The following KIF26B variants were observed in gnomAD, a reference collection of about 807,000 sequenced individuals.
KIF26B encodes kinesin family member 26B.
A neutral mutation model predicts 151.2 loss-of-function variants in KIF26B; 63 were observed. The ratio of observed to expected loss-of-function variants is 0.42; its 90% CI spans 0.34 to 0.51. The LOEUF (loss-of-function observed/expected upper bound fraction) is 0.51. KIF26B is among the 20% of genes least tolerant of loss of function. The probability of loss-of-function intolerance (pLI) is 0.07; values close to 1 mark genes in which losing one functional copy is unlikely to be tolerated. For missense variants in KIF26B, 2,813 were observed against 2,913.6 expected (o/e 0.97, Z 0.79); for synonymous variants, 1,357 against 1,262.1 (o/e 1.08, Z -1.59).
intron 5 of KIF26B, among the ~76,000 whole-genome samples, chr1:245,562,137 C>T (rs2042962048): frequency 6.6e-6 from 1 of 152,098 alleles, no homozygotes; most frequent in Admixed American, 6.6e-5. Flanking sequence ...ACTTAAAGCA[C>T]TTCTCAGCTG....
chr1:245,546,068 A>G (rs1661733475), intron 5 of KIF26B, among the ~76,000 whole-genome samples: 1 of 152,240 alleles, frequency 6.6e-6, no homozygotes, highest in Non-Finnish European at 1.5e-5. Flanking sequence ...GAAGTCATTC[A>G]GTTACTAACT....
chr1:245,319,867 G>T (rs1217912024), intron 2 of KIF26B, among the ~76,000 whole-genome samples: 1 of 152,202 alleles, frequency 6.6e-6, no homozygotes, highest in Non-Finnish European at 1.5e-5. Context: ...CGATTTCTGA[G>T]TCCATGCTAT....
chr1:245,482,135 A>G (rs954520848), intron 4 of KIF26B, among the ~76,000 whole-genome samples: 1 of 151,836 alleles, frequency 6.6e-6, no homozygotes, highest in Non-Finnish European at 1.5e-5. Context: ...TCTGTCACCC[A>G]GGCTGGAGTG....
intron 4 of KIF26B, among the ~76,000 whole-genome samples, chr1:245,521,521 C>T (rs1035679331): frequency 2.6e-5 from 4 of 152,134 alleles, no homozygotes; most frequent in Admixed American, 6.5e-5. Flanking sequence ...TCTGAGCTAG[C>T]GCAATCCTTG....
chr1:245,430,302 T>A (rs1032505734), intron 4 of KIF26B, among the ~76,000 whole-genome samples: 1 of 151,894 alleles, frequency 6.6e-6, no homozygotes, highest in Non-Finnish European at 1.5e-5. Context: ...TCTACACTTC[T>A]ACCACCACCC....
intron 4 of KIF26B, among the ~76,000 whole-genome samples, chr1:245,481,237 G>T (rs1373013044): frequency 6.6e-6 from 1 of 151,682 alleles, no homozygotes; most frequent in Non-Finnish European, 1.5e-5. Flanking sequence ...ACAAGAACTG[G>T]CAAAGGGCCT....
At chr1:245,579,035 G>A (rs34804760) in intron 5 of KIF26B, among the ~76,000 whole-genome samples, 59,504 of 151,924 alleles carry the variant, frequency 0.39, 12,048 homozygotes, top group African/African-American at 0.48. Context: ...TTGCTTTAGG[G>A]AAAAAAAGTC....
intron 2 of KIF26B, among the ~76,000 whole-genome samples, chr1:245,304,309 G>C (rs955984574): frequency 5.3e-5 from 8 of 152,296 alleles, no homozygotes; most frequent in African/African-American, 1.7e-4. Context: ...TCTCCTCTCT[G>C]ATCAATCCAA....
At chr1:245,160,119 G>A (rs950792573) in intron 2 of KIF26B, among the ~76,000 whole-genome samples, 4 of 152,202 alleles carry the variant, frequency 2.6e-5, no homozygotes, top group African/African-American at 4.8e-5. Flanking sequence ...ACATAGCTCT[G>A]CTGTTGATAC....
chr1:245,484,874 C>T (rs1660248132), intron 4 of KIF26B, among the ~76,000 whole-genome samples: 1 of 151,174 alleles, frequency 6.6e-6, no homozygotes, highest in African/African-American at 2.4e-5. Context: ...CTGAGAGTTG[C>T]TTTTTTTTGA....
chr1:245,396,356 A>G (rs59250581), intron 3 of KIF26B, among the ~76,000 whole-genome samples: 1 of 151,922 alleles, frequency 6.6e-6, no homozygotes, highest in South Asian at 2.1e-4. Context: ...ACCAAATAAA[A>G]TATGTATGCA....
intron 10 of KIF26B, among the ~76,000 whole-genome samples, chr1:245,649,589 T>C (rs2043992256): frequency 6.6e-6 from 1 of 152,204 alleles, no homozygotes; most frequent in Non-Finnish European, 1.5e-5. Flanking sequence ...TTCCTGCCCT[T>C]GAGGTTTCCT....
chr1:245,570,361 A>G (rs1183852843), intron 5 of KIF26B, among the ~76,000 whole-genome samples: 3 of 152,190 alleles, frequency 2.0e-5, no homozygotes, highest in Admixed American at 6.5e-5. Flanking sequence ...CATTCGGTCC[A>G]TCACCAAATT....
chr1:245,260,778 A>C (rs890811515), intron 2 of KIF26B, among the ~76,000 whole-genome samples: 1 of 152,212 alleles, frequency 6.6e-6, no homozygotes, highest in African/African-American at 2.4e-5. Context: ...CTCAACCCAC[A>C]CAGACAGAAC....
At chr1:245,317,854 G>A (rs1016288725) in intron 2 of KIF26B, among the ~76,000 whole-genome samples, 6 of 152,178 alleles carry the variant, frequency 3.9e-5, no homozygotes, top group African/African-American at 9.7e-5. Context: ...GTTCAGATGC[G>A]CAGAGTTAAG....
chr1:245,485,377 C>T (rs968142099), intron 4 of KIF26B, among the ~76,000 whole-genome samples: 3 of 135,546 alleles, frequency 2.2e-5, no homozygotes, highest in Non-Finnish European at 3.0e-5. Context: ...TGCTATATTC[C>T]TAGCATCATT....
At chr1:245,570,122 G>A (rs1192294898) in intron 5 of KIF26B, among the ~76,000 whole-genome samples, 1 of 151,660 alleles carries the variant, frequency 6.6e-6, no homozygotes, top group African/African-American at 2.4e-5. Flanking sequence ...ATTTTTAGTA[G>A]AGACGGGGTT....
intron 2 of KIF26B, among the ~76,000 whole-genome samples, chr1:245,289,182 C>CA (rs1197816285): frequency 4.6e-5 from 7 of 152,284 alleles, no homozygotes; most frequent in African/African-American, 1.4e-4. Flanking sequence ...TTGATCAACT[C>CA]AGACAACACT....
chr1:245,303,400 G>T (rs1038571072), intron 2 of KIF26B, among the ~76,000 whole-genome samples: 13 of 151,274 alleles, frequency 8.6e-5, no homozygotes, highest in Non-Finnish European at 1.3e-4. Flanking sequence ...GGGTTTCACC[G>T]TGTTAGCCAG....
Sources: gnomAD v4.1 joint callset for allele counts (sites outside exome capture counted in the v4.1 genomes callset) on GRCh38, gnomAD v4.1.1 for gene constraint, MANE v1.5 for transcripts, NCBI Gene and HGNC (gene_info 2026-07-23, HGNC 2026-07-21) for gene names.